The following HDC variants were observed in gnomAD, a reference collection of about 807,000 sequenced individuals.
HDC encodes histidine decarboxylase.
A neutral mutation model predicts 64.4 loss-of-function variants in HDC; 27 were observed. That is an observed-to-expected ratio of 0.42 (90% CI 0.31 to 0.58). HDC has a LOEUF of 0.58. Among genes scored for constraint, HDC ranks in the 20% least tolerant of loss-of-function variants. The probability of loss-of-function intolerance (pLI) is 0.16; values close to 1 mark genes in which losing one functional copy is unlikely to be tolerated. For missense variants in HDC, 711 were observed against 833.9 expected, an observed-to-expected ratio of 0.85 and a Z score of 1.81; for synonymous variants, 305 against 314.2, an observed-to-expected ratio of 0.97 and a Z score of 0.31.
In HDC at chr15:50,258,482, G is replaced by A; in HGVS notation, c.240C>T (p.Tyr80=). 6.2e-7 allele frequency: 1 copy of A among 1,613,650 alleles called. No homozygotes were observed. Among genetic ancestry groups the A allele is most frequent in the East Asian group, 2.2e-5 (1 of 44,868 alleles). The stretch of plus-strand genomic sequence containing the variant: ...AGGGCCAAGAGGTGAGGGCTGGGTA[G>A]TAGGCGTGCATATGGGGGCTCTGCC... ...VHWQSPHMHA[Y]YPALTSWPSL... is the part of the protein sequence containing the mutation. The change falls in exon 3 of 12, where the codon TAC becomes TAT. Residue 80 remains tyrosine, a synonymous_variant. Transcript: ENST00000267845.
chr15:50,251,342 G>T (rs149109672), intron 9 of HDC, among the ~76,000 whole-genome samples: 1 of 152,116 alleles, frequency 6.6e-6, no homozygotes, highest in Non-Finnish European at 1.5e-5. Context: ...TTGCCACACG[G>T]CTATTTTGCT....
chr15:50,249,974 C>A (rs2045532956), intron 9 of HDC, among the ~76,000 whole-genome samples: 2 of 152,216 alleles, frequency 1.3e-5, no homozygotes, highest in African/African-American at 4.8e-5. Flanking sequence ...TGACAGGGCT[C>A]TTCTTTACCT....
chr15:50,250,174 G>A (rs1244304554), intron 9 of HDC, among the ~76,000 whole-genome samples: 1 of 152,236 alleles, frequency 6.6e-6, no homozygotes, highest in Non-Finnish European at 1.5e-5. Context: ...AAGCACCTAA[G>A]TCTTCTCTCC....
Position 50,258,400 on chromosome 15 carries a change from T to G in HDC, c.318+4A>C. ...TGCGAGTAGTTACAGCCGTTGCTAC[T>G]CACCCAGGTGAATCCCAAGCAGTTG... is the stretch of plus-strand genomic sequence containing the variant. On this transcript the variant is annotated splice_donor_region_variant and intron_variant, in intron 3 of 11. Transcript: ENST00000267845. The G allele has an allele frequency of 6.4e-7, 1 of 1,571,770 alleles. No individual in the cohort carries two copies. The highest frequency in any genetic ancestry group is 8.8e-7 in the Non-Finnish European group (1 of 1,141,412).
chr15:50,246,143 A>G (rs975669392), intron 10 of HDC, among the ~76,000 whole-genome samples: 1 of 152,200 alleles, frequency 6.6e-6, no homozygotes, highest in African/African-American at 2.4e-5. Flanking sequence ...TCTTCCCTCA[A>G]GCAGGGCAAT....
At position 50,253,610 on chromosome 15, in the gene HDC, C is replaced by T; in HGVS notation, c.777G>A (p.Leu259=). Reference sequence around the variant, plus strand: ...AGGGAAGATACTTACAGATGGGGCCCAGCTCTGACAGGCAGTCAAATGCAC... The same window carrying T: ...AGGGAAGATACTTACAGATGGGGCCTAGCTCTGACAGGCAGTCAAATGCAC... ...GVCAFDCLSE[L]GPICAREGLW... is the part of the protein sequence containing the mutation. Residue 259 remains leucine, a synonymous_variant, in exon 7 of 12, where the codon CTG becomes CTA. Coordinates refer to ENST00000267845, the MANE Select transcript of HDC (RefSeq NM_002112.4). The T allele has an allele frequency of 6.2e-7, 1 of 1,613,862 alleles. No homozygotes were observed.
At position 50,257,870 on chromosome 15, in the gene HDC, T is replaced by A. The variant is rs112341834; in HGVS notation, c.319-323A>T. On this transcript the variant is annotated intron_variant, in intron 3 of 11. Transcript: ENST00000267845. ...AGAAGTCCTCAAATGCCCAGGGGGA[T>A]GTTTTCCTAGAAAAGATATGAATAC... Among the ~76,000 whole-genome samples, 540 of 152,230 alleles carry A rather than the reference T, an allele frequency of 3.5e-3. 6 individuals are homozygous for A. The highest frequency in any genetic ancestry group is 0.012 in the African/African-American group (515 of 41,524).
intron 9 of HDC, 30 bp downstream of exon 9, chr15:50,252,400 C>T: frequency 6.3e-7 from 1 of 1,597,792 alleles, no homozygotes; most frequent in Non-Finnish European, 8.6e-7. Context: ...CCACCCGAGC[C>T]CACCAGGCTG....
Position 50,248,832 on chromosome 15 carries a change from G to T in HDC, c.1042-489C>A, listed in dbSNP as rs1456809509. On this transcript the variant is annotated intron_variant, in intron 9 of 11. Transcript: ENST00000267845. This position sits in a 1 kb window ranked among gnomAD's most constrained non-coding sequence, Gnocchi z 4.3. ...TCCAGCTGTGCCACTTACTAGCTGTGTGACCTTGGGTAGTGCCACCTCACT... is the reference window on the plus strand; with the variant it reads ...TCCAGCTGTGCCACTTACTAGCTGTTTGACCTTGGGTAGTGCCACCTCACT... Among the ~76,000 whole-genome samples the T allele has an allele frequency of 6.6e-6, 1 of 152,184 alleles. No homozygotes were observed. Among genetic ancestry groups the T allele is most frequent in the Non-Finnish European group, 1.5e-5 (1 of 68,036 alleles).
intron 1 of HDC, among the ~76,000 whole-genome samples, chr15:50,263,960 C>T (rs867243069): frequency 1.3e-5 from 2 of 152,270 alleles, no homozygotes; most frequent in Middle Eastern, 3.4e-3. Flanking sequence ...CAAAGTGAAA[C>T]GTTTCATTTT....
Position 50,242,685 on chromosome 15 carries a change from T to A in HDC, c.1564A>T (p.Ile522Phe), listed in dbSNP as rs1476726378. The change falls in exon 12 of 12, where the codon ATC (isoleucine) becomes TTC (phenylalanine). Residue 522 changes from isoleucine (I) to phenylalanine (F), a missense_variant. Ile to Phe is a conservative substitution (Grantham distance 21, BLOSUM62 0). This residue lies in a region of HDC where 483 missense variants were observed against 540.9 expected (regional missense o/e 0.89). Coordinates refer to ENST00000267845, the MANE Select transcript of HDC (RefSeq NM_002112.4). ...CCCACACGCTGAGGCTGCTTGATGA[T>A]CTTCCTGGCCTGGACTGGATCATCT... The part of the protein sequence containing the change: ...AGDDPVQARK[I>F]IKQPQRVGAG... 4 of 1,614,046 alleles carry A rather than the reference T, an allele frequency of 2.5e-6. No homozygotes were observed. The South Asian group carries it at 4.4e-5, about 18-fold the overall frequency.
At position 50,253,676 on chromosome 15, in the gene HDC, A is replaced by T; in HGVS notation, c.721-10T>A. 6.2e-7 allele frequency: 1 copy of T among 1,612,280 alleles called. No individual in the cohort carries two copies. Among genetic ancestry groups the T allele is most frequent in the Non-Finnish European group, 8.5e-7 (1 of 1,179,452 alleles). On this transcript the variant is annotated splice_polypyrimidine_tract_variant and intron_variant, in intron 6 of 11. Coordinates refer to ENST00000267845, the MANE Select transcript of HDC (RefSeq NM_002112.4). ...CTAGTGTTGCACAGACCTAGGGGAA[A>T]ATTAAGGCAAGTTAACACAGGAGGG...
Position 50,258,459 on chromosome 15 carries a change from G to A in HDC, c.263C>T (p.Pro88Leu). The change falls in exon 3 of 12, where the codon CCC becomes CTC. Residue 88 changes from proline to leucine, a missense_variant. Transcript: ENST00000267845. ...AGCCAGCATGTCTCCTAGCAGGGAG[G>A]GCCAAGAGGTGAGGGCTGGGTAGTA... ...HAYYPALTSWPSLLGDMLADA... is the reference protein window; with the variant it reads ...HAYYPALTSWLSLLGDMLADA... 1 of 1,613,876 alleles carries A rather than the reference G, an allele frequency of 6.2e-7. No homozygotes were observed. Among genetic ancestry groups the A allele is most frequent in the Non-Finnish European group, 8.5e-7 (1 of 1,179,878 alleles).
intron 2 of HDC, among the ~76,000 whole-genome samples, chr15:50,261,282 G>T (rs2045699508): frequency 6.6e-6 from 1 of 152,160 alleles, no homozygotes; most frequent in South Asian, 2.1e-4. Context: ...AAATGAATCA[G>T]CTCATTTCCA....
intron 9 of HDC, among the ~76,000 whole-genome samples, chr15:50,251,340 C>T (rs1045496014): frequency 3.3e-5 from 5 of 152,146 alleles, no homozygotes; most frequent in Non-Finnish European, 7.4e-5. Flanking sequence ...ACTTGCCACA[C>T]GGCTATTTTG....
intron 6 of HDC, 175 bp downstream of exon 6, chr15:50,253,955 C>T: frequency 1.4e-6 from 1 of 713,428 alleles, no homozygotes; most frequent in Non-Finnish European, 2.4e-6. Context: ...TGGTTATGAC[C>T]CACAAAATTT....
chr15:50,254,082 C>A, intron 6 of HDC, 48 bp downstream of exon 6: 1 of 1,608,938 alleles, frequency 6.2e-7, no homozygotes, highest in Non-Finnish European at 8.5e-7. Flanking sequence ...ATTCCTTCCT[C>A]ACATCCAAGT....
intron 7 of HDC, 55 bp downstream of exon 7, chr15:50,253,545 G>C: frequency 6.8e-7 from 1 of 1,466,344 alleles, no homozygotes; most frequent in South Asian, 1.1e-5. Flanking sequence ...CTTGCTTTAG[G>C]AGACATTTAA....
intron 10 of HDC, among the ~76,000 whole-genome samples, chr15:50,247,485 A>G (rs1341913041): frequency 6.6e-6 from 1 of 152,234 alleles, no homozygotes; most frequent in Non-Finnish European, 1.5e-5. Context: ...CCCTAGAGGA[A>G]AGGTGGAAGG....
Sources: allele counts gnomAD v4.1 joint callset (sites outside exome capture counted in the v4.1 genomes callset), GRCh38; gene constraint gnomAD v4.1.1; regional missense constraint gnomAD v4.1.1; non-coding constraint Gnocchi (gnomAD v3.1); transcripts MANE v1.5; gene names NCBI Gene and HGNC (gene_info 2026-07-23, HGNC 2026-07-21).